ZBTB38: variants seen among roughly 807,000 people sequenced by gnomAD.
ZBTB38 encodes zinc finger and BTB domain-containing protein 38.
A neutral mutation model predicts 76.8 loss-of-function variants in ZBTB38; 20 were observed. The ratio of observed to expected loss-of-function variants is 0.26; its 90% CI spans 0.18 to 0.38. ZBTB38 has a LOEUF of 0.38. ZBTB38 is among the 10% of genes least tolerant of loss of function. ZBTB38 has a pLI of 1.00. For missense variants in ZBTB38, 1,082 were observed against 1,482.3 expected (o/e 0.73, Z 4.43); for synonymous variants, 504 against 544.2 (o/e 0.93, Z 1.03).
chr3:141,397,264 C>T (rs1950559369), intron 4 of ZBTB38, among the ~76,000 whole-genome samples: 1 of 152,208 alleles, frequency 6.6e-6, no homozygotes, highest in South Asian at 2.1e-4. Flanking sequence ...CCAACCTCTG[C>T]TTGCTCCACA....
At chr3:141,325,094 A>C (rs1942632424) in intron 1 of ZBTB38, among the ~76,000 whole-genome samples, 2 of 152,216 alleles carry the variant, frequency 1.3e-5, no homozygotes, top group African/African-American at 4.8e-5. Context: ...TGTCTTATGG[A>C]TAAATGCAAG....
At chr3:141,387,850 T>G (rs1194754277) in intron 4 of ZBTB38, 1 of 152,224 alleles carries the variant, frequency 6.6e-6, no homozygotes, top group Non-Finnish European at 1.5e-5. Flanking sequence ...TGGCTGAGTG[T>G]CTTGTCATGC....
At chr3:141,380,974 A>C (rs765995109) in intron 2 of ZBTB38, among the ~76,000 whole-genome samples, 1 of 152,148 alleles carries the variant, frequency 6.6e-6, no homozygotes, top group Non-Finnish European at 1.5e-5. Context: ...TTTTACCTTC[A>C]TTTATATCCC....
At chr3:141,429,867 C>G (rs1010293013) in intron 5 of ZBTB38, among the ~76,000 whole-genome samples, 1 of 152,070 alleles carries the variant, frequency 6.6e-6, no homozygotes, top group African/African-American at 2.4e-5. Flanking sequence ...GCCCAGGGAG[C>G]CTGTGTGCCT....
chr3:141,337,713 G>A (rs1943055642), intron 1 of ZBTB38, among the ~76,000 whole-genome samples: 1 of 152,148 alleles, frequency 6.6e-6, no homozygotes, highest in African/African-American at 2.4e-5. Context: ...ACTTTTATGG[G>A]TAATTACAGG....
intron 5 of ZBTB38, among the ~76,000 whole-genome samples, chr3:141,434,501 A>G (rs1167289806): frequency 6.6e-6 from 1 of 152,190 alleles, no homozygotes; most frequent in Non-Finnish European, 1.5e-5. Context: ...GTCTTTGACC[A>G]TGAGCATAGA....
intron 1 of ZBTB38, among the ~76,000 whole-genome samples, chr3:141,354,361 A>G (rs145461224): frequency 1.9e-4 from 29 of 152,000 alleles, no homozygotes; most frequent in Admixed American, 4.6e-4. Flanking sequence ...TCCAGGCCAC[A>G]CTCCATGCAT....
chr3:141,334,837 CT>C (rs1466313858), intron 1 of ZBTB38, among the ~76,000 whole-genome samples: 1 of 152,220 alleles, frequency 6.6e-6, no homozygotes, highest in Non-Finnish European at 1.5e-5. Flanking sequence ...AGGAGACAGG[CT>C]GCATAAAATT....
intron 5 of ZBTB38, chr3:141,434,240 G>A (rs1468915993): frequency 1.0e-6 from 1 of 981,642 alleles, no homozygotes; most frequent in Non-Finnish European, 1.2e-6. Context: ...AATGAGGATT[G>A]CCAGGTAGGG....
chr3:141,397,066 C>T (rs999245279), intron 4 of ZBTB38, among the ~76,000 whole-genome samples: 10 of 152,184 alleles, frequency 6.6e-5, no homozygotes, highest in African/African-American at 2.4e-4. Context: ...TTATGAAAGT[C>T]CTAGGTGACA....
At chr3:141,423,554 G>A (rs2150241198) in intron 5 of ZBTB38, among the ~76,000 whole-genome samples, 1 of 152,228 alleles carries the variant, frequency 6.6e-6, no homozygotes, top group South Asian at 2.1e-4. Context: ...GGTAACCAGT[G>A]CTCTACCTCT....
chr3:141,419,443 A>G (rs2074851850), intron 5 of ZBTB38, among the ~76,000 whole-genome samples: 1 of 152,206 alleles, frequency 6.6e-6, no homozygotes, highest in South Asian at 2.1e-4. Context: ...AAAAGATGAG[A>G]TGGTGGTTTA....
At chr3:141,361,144 T>A (rs1943813566) in intron 1 of ZBTB38, among the ~76,000 whole-genome samples, 1 of 152,194 alleles carries the variant, frequency 6.6e-6, no homozygotes, top group Non-Finnish European at 1.5e-5. Context: ...AAATAAATAG[T>A]CTTTGATGTT....
chr3:141,326,481 A>G (rs1942678584), intron 1 of ZBTB38, among the ~76,000 whole-genome samples: 1 of 152,238 alleles, frequency 6.6e-6, no homozygotes, highest in Non-Finnish European at 1.5e-5. Context: ...GTTTTATCTT[A>G]TCAGAGTGCA....
Position 141,445,878 on chromosome 3 carries a change from G to T in ZBTB38, c.3490G>T (p.Glu1164Ter). 6.2e-7 allele frequency: 1 copy of T among 1,612,162 alleles called. No individual in the cohort carries two copies. The highest frequency in any genetic ancestry group is 8.5e-7 in the Non-Finnish European group (1 of 1,180,012). Residue 1164 changes from glutamate (E) to a stop codon, truncating the protein, a stop_gained, in exon 6 of 6, where the codon GAA (glutamate) becomes TAA (stop). Coordinates refer to ENST00000321464, the MANE Select transcript of ZBTB38 (RefSeq NM_001376113.1). LOFTEE classifies it high-confidence loss of function. This position sits in a 1 kb window ranked among gnomAD's most constrained non-coding sequence, Gnocchi z 6.5. The part of the protein sequence containing the change: ...QQEKIGDVCH[E>*]NSNPLENQHF... ...GGAGAAAATAGGTGACGTGTGCCAC[G>T]AAAACTCAAATCCCTTGGAGAATCA...
rs549239683 is a variant in ZBTB38 at position 141,443,212 on chromosome 3, C to T, written c.824C>T (p.Ser275Leu). Reference protein sequence around the residue: ...KPKTFSIPQDSDSATENIPPP... With the variant: ...KPKTFSIPQDLDSATENIPPP... ...AAGACATTCTCCATACCACAGGATT[C>T]GGATTCAGCCACAGAAAATATACCA... The change falls in exon 6 of 6, where the codon TCG becomes TTG. Residue 275 changes from serine to leucine, a missense_variant. This residue lies in a region of ZBTB38 where 324 missense variants were observed against 359.1 expected (regional missense o/e 0.90). Coordinates refer to ENST00000321464, the MANE Select transcript of ZBTB38 (RefSeq NM_001376113.1). This position sits in a 1 kb window ranked among gnomAD's most constrained non-coding sequence, Gnocchi z 5.6. 3.0e-5 allele frequency: 48 copies of T among 1,614,194 alleles called. No homozygotes were observed. Among genetic ancestry groups the T allele is most frequent in the Admixed American group, 1.5e-4 (9 of 60,026 alleles).
intron 5 of ZBTB38, among the ~76,000 whole-genome samples, chr3:141,436,744 C>T (rs975941039): frequency 5.3e-5 from 8 of 152,180 alleles, no homozygotes; most frequent in African/African-American, 1.9e-4. Context: ...GTGATCCACC[C>T]ACCTTGGCCT....
intron 4 of ZBTB38, among the ~76,000 whole-genome samples, chr3:141,391,391 T>G (rs1182442267): frequency 6.6e-6 from 1 of 152,176 alleles, no homozygotes; most frequent in Admixed American, 6.5e-5. Flanking sequence ...TGTTGCTATC[T>G]CAGAGCCAGG....
At chr3:141,366,790 C>T (rs1021761761), upstream of ZBTB38, 6 of 152,166 alleles carry the variant, frequency 3.9e-5, no homozygotes, top group Non-Finnish European at 7.3e-5. Flanking sequence ...CTGGTTTTGT[C>T]TTCCTCTTGG....
Sources: gnomAD v4.1 joint callset for allele counts (sites outside exome capture counted in the v4.1 genomes callset) on GRCh38, gnomAD v4.1.1 for gene constraint, gnomAD v4.1.1 regional missense constraint, Gnocchi (gnomAD v3.1) non-coding constraint, MANE v1.5 for transcripts, NCBI Gene and HGNC (gene_info 2026-07-23, HGNC 2026-07-21) for gene names.